The following GLI3 variants were observed in gnomAD, a reference collection of about 807,000 sequenced individuals.
GLI3 encodes transcription activator GLI3.
Under a neutral mutation model 100.8 loss-of-function variants are expected in GLI3, and 20 were observed. That is an observed-to-expected ratio of 0.20 (90% CI 0.14 to 0.29). The LOEUF (loss-of-function observed/expected upper bound fraction) is 0.29. Among genes scored for constraint, GLI3 ranks in the 10% least tolerant of loss-of-function variants. GLI3 has a pLI of 1.00. For synonymous variants in GLI3, 938 were observed against 860.5 expected, an observed-to-expected ratio of 1.09 and a Z score of -1.58; for missense variants, 2,040 against 2,128.5, an observed-to-expected ratio of 0.96 and a Z score of 0.82.
intron 3 of GLI3, among the ~76,000 whole-genome samples, chr7:42,077,482 G>A (rs1583536075): frequency 1.3e-5 from 2 of 151,676 alleles, no homozygotes; most frequent in East Asian, 3.9e-4. Context: ...GAAACACTGT[G>A]CAGCCCTCCA....
chr7:42,045,061 A>G (rs1282865615), intron 6 of GLI3, among the ~76,000 whole-genome samples: 1 of 152,138 alleles, frequency 6.6e-6, no homozygotes, highest in Non-Finnish European at 1.5e-5. Flanking sequence ...CTAATTTTTA[A>G]TTTTTTGTAG....
upstream of GLI3, among the ~76,000 whole-genome samples, chr7:42,238,930 A>G (rs1788892139): frequency 6.6e-6 from 1 of 152,200 alleles, no homozygotes; most frequent in Non-Finnish European, 1.5e-5. Flanking sequence ...GGGTGGATGA[A>G]TGATGAGCTA....
intron 3 of GLI3, among the ~76,000 whole-genome samples, chr7:42,104,873 C>G (rs1785541794): frequency 6.6e-6 from 1 of 152,152 alleles, no homozygotes; most frequent in African/African-American, 2.4e-5. Context: ...GACAGGTCCT[C>G]ATCAGACAAC....
At chr7:42,151,257 A>T (rs1340310768) in intron 2 of GLI3, 1 of 152,180 alleles carries the variant, frequency 6.6e-6, no homozygotes, top group African/African-American at 2.4e-5. Flanking sequence ...GTTGCTTTTG[A>T]CGGGCATTCA....
At chr7:41,978,509 G>A (rs1787569326) in intron 11 of GLI3, 90 bp downstream of exon 11, 7 of 1,266,264 alleles carry the variant, frequency 5.5e-6, no homozygotes, top group African/African-American at 2.9e-5. Context: ...ACCCAACCAC[G>A]CTTCCCCTGA....
chr7:41,999,271 A>G (rs1408185862), intron 10 of GLI3, among the ~76,000 whole-genome samples: 1 of 152,202 alleles, frequency 6.6e-6, no homozygotes, highest in African/African-American at 2.4e-5. Context: ...GCACAACAGC[A>G]GCACTGAAAA....
rs542255087 is a variant in GLI3 at position 42,146,125 on chromosome 7, A to G, written c.367+2101T>C. Among the ~76,000 whole-genome samples, 9 of 152,330 alleles carry G rather than the reference A, an allele frequency of 5.9e-5. No homozygotes were observed. In the East Asian group the frequency reaches 1.5e-3, roughly 26 times the overall value. ...ATGGTAGGTCAAAATTGTATTTGCC[A>G]TTTGGTTACAGAGAACTTATACAGT... On this transcript the variant is annotated intron_variant, in intron 3 of 14. Coordinates refer to ENST00000395925, the MANE Select transcript of GLI3 (RefSeq NM_000168.6).
chr7:42,139,460 A>G (rs1786512971), intron 3 of GLI3, among the ~76,000 whole-genome samples: 1 of 152,196 alleles, frequency 6.6e-6, no homozygotes, highest in African/African-American at 2.4e-5. Context: ...CGGGCAGATC[A>G]CTTGAGGTTA....
At chr7:42,085,970 G>A (rs1445553337) in intron 3 of GLI3, among the ~76,000 whole-genome samples, 1 of 152,142 alleles carries the variant, frequency 6.6e-6, no homozygotes, top group Non-Finnish European at 1.5e-5. Flanking sequence ...CATTCATTTT[G>A]CTCAAAACCA....
chr7:41,974,841 C>T (rs1052000528), intron 12 of GLI3, among the ~76,000 whole-genome samples: 1 of 152,210 alleles, frequency 6.6e-6, no homozygotes, highest in Non-Finnish European at 1.5e-5. Flanking sequence ...AAAGAAGTGT[C>T]CTCAGCAAAG....
chr7:42,011,513 A>G (rs1788611516), intron 10 of GLI3, among the ~76,000 whole-genome samples: 1 of 152,240 alleles, frequency 6.6e-6, no homozygotes, highest in Non-Finnish European at 1.5e-5. Flanking sequence ...AATATCCATC[A>G]ACGGATGCAC....
At chr7:42,126,361 AG>A (rs112759617) in intron 3 of GLI3, among the ~76,000 whole-genome samples, 4,731 of 152,324 alleles carry the variant, frequency 0.031, 251 homozygotes, top group African/African-American at 0.11. Flanking sequence ...TCTCATACTG[AG>A]TGAAATTGTA....
chr7:42,023,471 C>T lies in GLI3; in HGVS notation c.1494G>A (p.Val498=). Residue 498 remains valine, a synonymous_variant, in exon 10 of 15, where the codon GTG becomes GTA. Transcript: ENST00000395925. ...TTCCTGAATACCATCCACTTACGTG[C>T]ACAAGCTGCTCTTGGGTGTCGAACT... The part of the protein sequence containing the change: ...AREFDTQEQL[V]HHINNDHIHG... 4.3e-6 allele frequency: 7 copies of T among 1,614,212 alleles called. No homozygotes were observed. The highest frequency in any genetic ancestry group is 5.9e-6 in the Non-Finnish European group (7 of 1,180,028).
intron 10 of GLI3, 51 bp downstream of exon 10, chr7:42,023,417 G>A (rs1479027424): frequency 6.2e-7 from 1 of 1,601,114 alleles, no homozygotes; most frequent in African/African-American, 1.3e-5. Context: ...TGACCTCCCT[G>A]GAAAGTGTCA....
chr7:42,049,215 A>G (rs1213173158), intron 4 of GLI3, among the ~76,000 whole-genome samples: 1 of 152,244 alleles, frequency 6.6e-6, no homozygotes, highest in Non-Finnish European at 1.5e-5. Context: ...GATCATGCAC[A>G]TGGCAGAGCT....
chr7:41,968,033 G>A (rs982252529), intron 13 of GLI3, 110 bp from the exon 14 acceptor site: 63 of 914,734 alleles, frequency 6.9e-5, no homozygotes, highest in Non-Finnish European at 1.1e-4. Context: ...TCAGTTGGTT[G>A]AATGAGAAGA....
intron 3 of GLI3, among the ~76,000 whole-genome samples, chr7:42,102,905 A>G (rs1217919712): frequency 1.3e-5 from 2 of 152,220 alleles, no homozygotes; most frequent in Non-Finnish European, 2.9e-5. Context: ...GCATATTATA[A>G]CATACAGCAA....
At chr7:41,986,382 A>C (rs907473463) in intron 10 of GLI3, among the ~76,000 whole-genome samples, 19 of 152,164 alleles carry the variant, frequency 1.2e-4, no homozygotes, top group African/African-American at 4.3e-4. Context: ...AGAGAAATGA[A>C]CTAACCTAAA....
chr7:41,983,396 C>A (rs1419159623), intron 10 of GLI3, among the ~76,000 whole-genome samples: 2 of 152,038 alleles, frequency 1.3e-5, no homozygotes, highest in Non-Finnish European at 2.9e-5. Context: ...GAAAAAAAAA[C>A]ACATTCTTTT....
Sources: allele counts gnomAD v4.1 joint callset (sites outside exome capture counted in the v4.1 genomes callset), GRCh38; gene constraint gnomAD v4.1.1; transcripts MANE v1.5; gene names NCBI Gene and HGNC (gene_info 2026-07-23, HGNC 2026-07-21).